The following SLC12A1 variants were observed in gnomAD, a reference collection of about 807,000 sequenced individuals.
The protein encoded by SLC12A1 is Na-K-2Cl cotransporter.
In SLC12A1, 89 loss-of-function variants were observed where a neutral mutation model predicts 130.4. The observed-to-expected ratio is 0.68, with a 90% CI of 0.58 to 0.81. The LOEUF is 0.81. Among genes scored for constraint, SLC12A1 ranks in the 40% least tolerant of loss-of-function variants. SLC12A1 has a pLI of 0.00. For missense variants in SLC12A1, 1,310 were observed against 1,336.4 expected (o/e 0.98, Z 0.31); for synonymous variants, 499 against 460.0 (o/e 1.08, Z -1.09).
chr15:48,247,401 A>G lies in SLC12A1; in HGVS notation c.1625A>G (p.Asn542Ser), dbSNP rs2041595122. 6.2e-7 allele frequency: 1 copy of G among 1,611,704 alleles called. No individual in the cohort carries two copies. ...TTTGCAAAGGGATATGGGAAAAACA[A>G]TGAACCCCTGAGAGGATATATTCTC... ...QFFAKGYGKN[N>S]EPLRGYILTF... is the part of the protein sequence containing the mutation. The change falls in exon 13 of 27, where the codon AAT (asparagine) becomes AGT (serine). Residue 542 changes from asparagine (N) to serine (S), a missense_variant. Transcript: ENST00000380993.
Position 48,255,837 on chromosome 15 carries a change from GCT to G in SLC12A1, c.1972_1973del (p.Leu658PhefsTer57), listed in dbSNP as rs764230483. On this transcript the variant is annotated frameshift_variant, in exon 16 of 27. Coordinates refer to ENST00000380993, the MANE Select transcript of SLC12A1 (RefSeq NM_000338.3). LOFTEE classifies it high-confidence loss of function. ...TGTGAACTGGGGCTCCTCCACACAG[GCT>G]CTTTCCTACGTGAGTGCTTTAGACA... The part of the protein sequence containing the change: ...PDVNWGSSTQ[A>X]LSYVSALDNA... 6.2e-7 allele frequency: 1 copy of G among 1,607,918 alleles called. No individual in the cohort carries two copies. Among genetic ancestry groups the G allele is most frequent in the East Asian group, 2.2e-5 (1 of 44,792 alleles).
intron 9 of SLC12A1, chr15:48,236,906 C>A: frequency 1.7e-6 from 1 of 587,222 alleles, no homozygotes; most frequent in Non-Finnish European, 3.0e-6. Flanking sequence ...TTTCTTTAGA[C>A]TCCTTAAAAA....
rs8025278 is a variant in SLC12A1, at chr15:48,302,995, G to T, written c.*110G>T. 0.9 allele frequency: 687,345 copies of T among 760,088 alleles called. 316,669 individuals are homozygous for T. Among genetic ancestry groups the T allele is most frequent in the Non-Finnish European group, 0.96 (479,973 of 498,628 alleles). 47.1% of individuals were successfully genotyped at this position (760,088 alleles called of 1,614,324 possible). ...CTATGGATATGCAAACCTCTGGAGAGGATCCTACCAGATTCTACATACATT... is the reference window on the plus strand; with the variant it reads ...CTATGGATATGCAAACCTCTGGAGATGATCCTACCAGATTCTACATACATT... On this transcript the variant is annotated 3_prime_UTR_variant, in exon 27 of 27. Coordinates refer to ENST00000380993, the MANE Select transcript of SLC12A1 (RefSeq NM_000338.3).
Position 48,288,145 on chromosome 15 carries a change from T to G in SLC12A1, c.2732T>G (p.Ile911Ser), listed in dbSNP as rs747573589. The G allele has an allele frequency of 6.2e-7, 1 of 1,609,956 alleles. No individual in the cohort carries two copies. Among genetic ancestry groups the G allele is most frequent in the Middle Eastern group, 1.7e-4 (1 of 6,058 alleles). The change falls in exon 22 of 27, where the codon ATT becomes AGT. Residue 911 changes from isoleucine to serine, a missense_variant. Ile to Ser is a moderately radical substitution (Grantham distance 142, BLOSUM62 -2). Coordinates refer to ENST00000380993, the MANE Select transcript of SLC12A1 (RefSeq NM_000338.3). ...AAAAAGAAACAAGAAAAAGGCACAA[T>G]TGATGTTTGGTGGTTGTTTGATGAT... The part of the protein sequence containing the change: ...QFKKKQEKGT[I>S]DVWWLFDDGG...
At chr15:48,257,317 A>T (rs1422211074) in intron 16 of SLC12A1, among the ~76,000 whole-genome samples, 1 of 152,030 alleles carries the variant, frequency 6.6e-6, no homozygotes, top group Non-Finnish European at 1.5e-5. Flanking sequence ...CTGTCGGTGG[A>T]TCTACCATTC....
At chr15:48,256,597 C>T (rs1251850148) in intron 16 of SLC12A1, among the ~76,000 whole-genome samples, 2 of 152,178 alleles carry the variant, frequency 1.3e-5, no homozygotes, top group Non-Finnish European at 2.9e-5. Flanking sequence ...GCATGTCTTA[C>T]ATGGCGGCAG....
intron 9 of SLC12A1, among the ~76,000 whole-genome samples, chr15:48,236,657 A>G (rs187539456): frequency 6.6e-5 from 10 of 152,280 alleles, no homozygotes; most frequent in Non-Finnish European, 1.3e-4. Context: ...TTAGATTTTT[A>G]TATTAGGGGC....
At chr15:48,277,296 C>T (rs1313659085) in intron 20 of SLC12A1, among the ~76,000 whole-genome samples, 1 of 151,218 alleles carries the variant, frequency 6.6e-6, no homozygotes, top group Non-Finnish European at 1.5e-5. Flanking sequence ...AAGAGTTGGC[C>T]TGAAACATAA....
chr15:48,215,931 A>G (rs2041115240), intron 2 of SLC12A1, among the ~76,000 whole-genome samples: 3 of 152,202 alleles, frequency 2.0e-5, no homozygotes, highest in South Asian at 2.1e-4. Flanking sequence ...CTAGATTCCA[A>G]GTATCCTAGT....
chr15:48,209,298 C>G (rs1254026546), intron 2 of SLC12A1, among the ~76,000 whole-genome samples: 1 of 152,104 alleles, frequency 6.6e-6, no homozygotes, highest in African/African-American at 2.4e-5. Flanking sequence ...AACTCCCAAC[C>G]TCAGGTGATC....
chr15:48,269,632 C>A (rs2041870659), intron 18 of SLC12A1, 26 bp from the exon 19 acceptor site: 1 of 1,302,928 alleles, frequency 7.7e-7, no homozygotes, highest in Non-Finnish European at 1.1e-6. Context: ...GTAAGGATTG[C>A]CCACATTTTT....
At chr15:48,266,126 G>A (rs1355771320) in intron 17 of SLC12A1, among the ~76,000 whole-genome samples, 1 of 152,080 alleles carries the variant, frequency 6.6e-6, no homozygotes, top group African/African-American at 2.4e-5. Context: ...TGATGACCTA[G>A]GCAATTGCCT....
intron 2 of SLC12A1, among the ~76,000 whole-genome samples, chr15:48,220,241 G>A (rs1297403699): frequency 6.6e-6 from 1 of 151,858 alleles, no homozygotes; most frequent in Non-Finnish European, 1.5e-5. Flanking sequence ...CTTAGCTCAG[G>A]AAGTTTCTCT....
At chr15:48,247,977 G>T (rs1156662973) in intron 13 of SLC12A1, among the ~76,000 whole-genome samples, 1 of 152,200 alleles carries the variant, frequency 6.6e-6, no homozygotes. Flanking sequence ...TGGCATTTGA[G>T]AATCACTTAC....
intron 24 of SLC12A1, among the ~76,000 whole-genome samples, chr15:48,295,868 A>G (rs1251379802): frequency 6.6e-6 from 1 of 152,200 alleles, no homozygotes; most frequent in Admixed American, 6.5e-5. Context: ...TGATGTTGGC[A>G]ATGGCTGTTC....
intron 19 of SLC12A1, among the ~76,000 whole-genome samples, chr15:48,271,900 T>C (rs8040834): frequency 0.079 from 11,979 of 152,156 alleles, 1,209 homozygotes; most frequent in East Asian, 0.3. Context: ...TTCAGTAAAA[T>C]TTCATCTTCA....
chr15:48,302,792 G>A lies in SLC12A1; in HGVS notation c.3207G>A (p.Leu1069=), dbSNP rs755737521. ...GAAAGGGATCCATATCGGATTTGTT[G>A]TATATGGCTTGGTTGGAAATCCTCA... ...VARKGSISDL[L]YMAWLEILTK... The change falls in exon 27 of 27, where the codon TTG becomes TTA. Residue 1069 remains leucine, a synonymous_variant. Transcript: ENST00000380993. 1 of 1,613,462 alleles carries A rather than the reference G, an allele frequency of 6.2e-7. No individual in the cohort carries two copies. The highest frequency in any genetic ancestry group is 2.2e-5 in the East Asian group (1 of 44,850).
chr15:48,266,315 T>C (rs1015098542), intron 17 of SLC12A1, among the ~76,000 whole-genome samples: 1 of 152,204 alleles, frequency 6.6e-6, no homozygotes, highest in African/African-American at 2.4e-5. Context: ...TTATTATTAC[T>C]ACTTAAAGCA....
At chr15:48,209,995 C>T (rs956440370) in intron 2 of SLC12A1, among the ~76,000 whole-genome samples, 2 of 152,118 alleles carry the variant, frequency 1.3e-5, no homozygotes, top group African/African-American at 4.8e-5. Context: ...CAATTTCAGA[C>T]AACATGGTAG....
Sources: gnomAD v4.1 joint callset for allele counts (sites outside exome capture counted in the v4.1 genomes callset) on GRCh38, gnomAD v4.1.1 for gene constraint, MANE v1.5 for transcripts, NCBI Gene and HGNC (gene_info 2026-07-23, HGNC 2026-07-21) for gene names.